Variants in PIP4K2B observed in about 807,000 individuals in gnomAD.
PIP4K2B encodes phosphatidylinositol 5-phosphate 4-kinase type-2 beta.
In PIP4K2B, 3 loss-of-function variants were observed where a neutral mutation model predicts 42.0. The ratio of observed to expected loss-of-function variants is 0.07; its 90% CI spans 0.03 to 0.18. The LOEUF is 0.18. PIP4K2B is among the 10% of genes least tolerant of loss of function. The pLI, the probability that PIP4K2B is intolerant of heterozygous loss-of-function variation, is 1.00. For missense variants in PIP4K2B, 332 were observed against 562.3 expected (o/e 0.59, Z 4.14); for synonymous variants, 204 against 210.1 (o/e 0.97, Z 0.25).
chr17:38,793,089 C>T (rs1910426364), intron 1 of PIP4K2B, among the ~76,000 whole-genome samples: 2 of 152,044 alleles, frequency 1.3e-5, no homozygotes, highest in Admixed American at 6.6e-5. Flanking sequence ...CCACCACACC[C>T]GGCAAATTTT....
At chr17:38,774,639 G>A (rs1395504255) in intron 7 of PIP4K2B, among the ~76,000 whole-genome samples, 1 of 151,898 alleles carries the variant, frequency 6.6e-6, no homozygotes, top group Non-Finnish European at 1.5e-5. Flanking sequence ...GCATGGTGGT[G>A]GGCGCCTGTA....
intron 1 of PIP4K2B, among the ~76,000 whole-genome samples, chr17:38,794,872 G>C (rs2143490348): frequency 6.6e-6 from 1 of 151,998 alleles, no homozygotes; most frequent in South Asian, 2.1e-4. Flanking sequence ...GGCCGAGGCG[G>C]GGGGATTGCT....
chr17:38,795,982 A>T (rs1567664540), intron 1 of PIP4K2B, among the ~76,000 whole-genome samples: 1 of 151,924 alleles, frequency 6.6e-6, no homozygotes, highest in South Asian at 2.1e-4. Context: ...CTACTAAAAT[A>T]AAAAAATTAG....
chr17:38,779,009 GCAC>G (rs1909531326), intron 5 of PIP4K2B, among the ~76,000 whole-genome samples: 1 of 152,162 alleles, frequency 6.6e-6, no homozygotes, highest in Non-Finnish European at 1.5e-5. Context: ...AGAACACGGA[GCAC>G]CCTAGTTCAC....
At chr17:38,774,090 G>T (rs1909185999) in intron 7 of PIP4K2B, among the ~76,000 whole-genome samples, 2 of 152,240 alleles carry the variant, frequency 1.3e-5, no homozygotes. Context: ...GTTCACAGTA[G>T]CATTATTCCC....
At chr17:38,778,417 T>G in intron 5 of PIP4K2B, 45 bp from the exon 6 acceptor site, 2 of 1,583,226 alleles carry the variant, frequency 1.3e-6, no homozygotes, top group Non-Finnish European at 1.7e-6. Context: ...TGAGGCAAAG[T>G]CGACTGCATG....
Position 38,771,066 on chromosome 17 carries a change from A to G in PIP4K2B, c.1014T>C (p.Gly338=). The change falls in exon 8 of 10, where the codon GGT becomes GGC. Residue 338 remains glycine (G), a synonymous_variant. Transcript: ENST00000619039. ...GNLLSFPRFF[G]PGEFDPSVDV... is the part of the protein sequence containing the mutation. ...CAACAGAGGGGTCGAATTCCCCAGG[A>G]CCAAAGAACCGAGGAAAGCTGAGGA... is the stretch of plus-strand genomic sequence containing the variant. 1 of 1,614,104 alleles carries G rather than the reference A, an allele frequency of 6.2e-7. No individual in the cohort carries two copies.
intron 7 of PIP4K2B, among the ~76,000 whole-genome samples, chr17:38,775,013 G>A (rs982090058): frequency 3.3e-5 from 5 of 151,470 alleles, no homozygotes; most frequent in African/African-American, 1.2e-4. Context: ...GCAGTGGCAC[G>A]ATCTCGGCTC....
chr17:38,780,963 G>C (rs1350638668), intron 3 of PIP4K2B, among the ~76,000 whole-genome samples: 1 of 152,060 alleles, frequency 6.6e-6, no homozygotes, highest in Non-Finnish European at 1.5e-5. Context: ...TATGACCTTG[G>C]GTGAGCCATT....
At position 38,766,394 on chromosome 17, in the gene PIP4K2B, C is replaced by T. The variant is rs576632433; in HGVS notation, c.*3297G>A. The T allele has an allele frequency of 1.3e-5, 2 of 152,804 alleles. No individual in the cohort carries two copies. The highest frequency in any genetic ancestry group is 3.9e-4 in the East Asian group (2 of 5,178). 9.5% of individuals were successfully genotyped at this position (152,804 alleles called of 1,614,324 possible). ...GGGGTGCTGCAGTTTTCTCTCCCAC[C>T]CTGAATTGGTAAAAAGACAACTGGG... On this transcript the variant is annotated 3_prime_UTR_variant, in exon 10 of 10. Transcript: ENST00000619039.
At chr17:38,776,926 C>T (rs556458327) in intron 7 of PIP4K2B, among the ~76,000 whole-genome samples, 1 of 152,298 alleles carries the variant, frequency 6.6e-6, no homozygotes, top group Non-Finnish European at 1.5e-5. Flanking sequence ...GAGACAGGGT[C>T]TTGCTCTGTC....
Position 38,768,133 on chromosome 17 carries a change from G to C in PIP4K2B, c.*1558C>G, listed in dbSNP as rs1002094119. 2 of 152,278 alleles carry C rather than the reference G, an allele frequency of 1.3e-5. No homozygotes were observed. Among genetic ancestry groups the C allele is most frequent in the African/African-American group, 4.8e-5 (2 of 41,476 alleles). 9.4% of individuals were successfully genotyped at this position (152,278 alleles called of 1,614,324 possible). A position where few individuals can be genotyped will look rare whatever the true frequency, so the allele number is the denominator to read the frequency against. On this transcript the variant is annotated 3_prime_UTR_variant, in exon 10 of 10. Transcript: ENST00000619039. ...ATTCATTCAAAATGGTTTCACAAGC[G>C]ATCTTCACATCTTTGGGGTTATCTA...
At chr17:38,798,732 A>G (rs940355267) in intron 1 of PIP4K2B, among the ~76,000 whole-genome samples, 23 of 151,806 alleles carry the variant, frequency 1.5e-4, no homozygotes, top group Non-Finnish European at 2.7e-4. Flanking sequence ...TTCAAGAGGG[A>G]AAAAAAAGGA....
Position 38,771,283 on chromosome 17 carries a change from C to G in PIP4K2B, c.808-11G>C. On this transcript the variant is annotated splice_polypyrimidine_tract_variant and intron_variant, in intron 7 of 9. Transcript: ENST00000619039. Reference sequence around the variant, plus strand: ...CAGCTGTGCCAAGAACTAGGAAGGGCAAGGATGGAAAGATGGAAGGAAGAA... The same window carrying G: ...CAGCTGTGCCAAGAACTAGGAAGGGGAAGGATGGAAAGATGGAAGGAAGAA... The G allele has an allele frequency of 1.9e-6, 3 of 1,613,750 alleles. No homozygotes were observed. Among genetic ancestry groups the G allele is most frequent in the Non-Finnish European group, 2.5e-6 (3 of 1,179,876 alleles).
chr17:38,789,331 C>T (rs983499220), intron 1 of PIP4K2B, among the ~76,000 whole-genome samples: 3 of 152,224 alleles, frequency 2.0e-5, no homozygotes, highest in African/African-American at 7.2e-5. Flanking sequence ...TCGAGTTTAG[C>T]CAGTTAGTGG....
chr17:38,790,968 C>T (rs1468702819), intron 1 of PIP4K2B, among the ~76,000 whole-genome samples: 1 of 152,062 alleles, frequency 6.6e-6, no homozygotes, highest in East Asian at 1.9e-4. Flanking sequence ...ATATCTGCTA[C>T]GTGCTTCATT....
Position 38,799,240 on chromosome 17 carries a change from CAG to C in PIP4K2B, c.159+24_159+25del. 6 of 1,569,172 alleles carry C rather than the reference CAG, an allele frequency of 3.8e-6. No individual in the cohort carries two copies. Among genetic ancestry groups the C allele is most frequent in the Non-Finnish European group, 4.3e-6 (5 of 1,161,306 alleles). Reference sequence around the variant, plus strand: ...GCGTGGGAGCGCGCGGGGCCGCGCTCAGAGGGGCGCGCAGGAGCTGGTTACCG... The same window carrying C: ...GCGTGGGAGCGCGCGGGGCCGCGCTCAGGGGCGCGCAGGAGCTGGTTACCG... On this transcript the variant is annotated intron_variant, in intron 1 of 9. Transcript: ENST00000619039. This position sits in a 1 kb window ranked among gnomAD's most constrained non-coding sequence, Gnocchi z 4.4.
intron 3 of PIP4K2B, among the ~76,000 whole-genome samples, chr17:38,782,687 T>A (rs1293858269): frequency 6.6e-6 from 1 of 152,148 alleles, no homozygotes; most frequent in Non-Finnish European, 1.5e-5. Flanking sequence ...TTTCTTTGCA[T>A]GCAAGCCCTC....
intron 3 of PIP4K2B, among the ~76,000 whole-genome samples, chr17:38,781,298 C>G (rs562607567): frequency 6.6e-6 from 1 of 151,978 alleles, no homozygotes; most frequent in Admixed American, 6.6e-5. Context: ...AGGTCCTACT[C>G]CCATTAGGAT....
Sources: gnomAD v4.1 joint callset for allele counts (sites outside exome capture counted in the v4.1 genomes callset) on GRCh38, gnomAD v4.1.1 for gene constraint, Gnocchi (gnomAD v3.1) non-coding constraint, MANE v1.5 for transcripts, NCBI Gene and HGNC (gene_info 2026-07-23, HGNC 2026-07-21) for gene names.